Variants in MAML3 observed in about 807,000 individuals in gnomAD.
The protein encoded by MAML3 is mastermind like transcriptional coactivator 3.
Under a neutral mutation model 101.9 loss-of-function variants are expected in MAML3, and 27 were observed. That is an observed-to-expected ratio of 0.27 (90% CI 0.20 to 0.37). The LOEUF is 0.37. Ranked by LOEUF, MAML3 falls within the 10% of genes least tolerant of loss-of-function variation. The probability of loss-of-function intolerance (pLI) is 1.00; values close to 1 mark genes in which losing one functional copy is unlikely to be tolerated. For missense variants in MAML3, 1,316 were observed against 1,444.9 expected (o/e 0.91, Z 1.45); for synonymous variants, 501 against 555.9 (o/e 0.90, Z 1.39).
chr4:139,814,975 C>T (rs1375555874), intron 2 of MAML3, among the ~76,000 whole-genome samples: 1 of 152,214 alleles, frequency 6.6e-6, no homozygotes, highest in Middle Eastern at 3.4e-3. Context: ...TCTAATGAGG[C>T]AGCATTAGAT....
chr4:140,119,147 G>A (rs1446645024), intron 1 of MAML3, among the ~76,000 whole-genome samples: 1 of 152,132 alleles, frequency 6.6e-6, no homozygotes, highest in South Asian at 2.1e-4. Flanking sequence ...ACCCCGATAA[G>A]GTCAACCTCA....
intron 1 of MAML3, among the ~76,000 whole-genome samples, chr4:140,070,653 C>T (rs1727632980): frequency 6.6e-6 from 1 of 152,184 alleles, no homozygotes; most frequent in Admixed American, 6.5e-5. Flanking sequence ...CTACAAATGG[C>T]ACCTATGTGA....
intron 1 of MAML3, among the ~76,000 whole-genome samples, chr4:140,107,496 T>C (rs114317749): frequency 0.021 from 3,095 of 146,748 alleles, 112 homozygotes; most frequent in African/African-American, 0.072. Flanking sequence ...AGACTATAGA[T>C]GAAAAAAATG....
intron 2 of MAML3, among the ~76,000 whole-genome samples, chr4:139,864,401 A>C (rs1275295913): frequency 1.3e-5 from 2 of 152,154 alleles, no homozygotes; most frequent in Non-Finnish European, 2.9e-5. Context: ...TTCATGGGCC[A>C]GGTGCGGCGG....
chr4:140,053,475 T>G (rs1727303146), intron 1 of MAML3, among the ~76,000 whole-genome samples: 1 of 152,208 alleles, frequency 6.6e-6, no homozygotes, highest in African/African-American at 2.4e-5. Flanking sequence ...GCTTTTCTCC[T>G]CTGGGCCATC....
chr4:140,080,557 A>C (rs1489142006), intron 1 of MAML3, among the ~76,000 whole-genome samples: 1 of 152,238 alleles, frequency 6.6e-6, no homozygotes, highest in African/African-American at 2.4e-5. Flanking sequence ...TGGATTGGAA[A>C]TAGAAGGAGA....
chr4:140,066,837 T>C (rs758825981), intron 1 of MAML3, among the ~76,000 whole-genome samples: 11 of 152,326 alleles, frequency 7.2e-5, no homozygotes, highest in Non-Finnish European at 1.6e-4. Context: ...AAGTCTCAAT[T>C]AGTATCAGTT....
chr4:139,839,419 C>T (rs577617626), intron 2 of MAML3, among the ~76,000 whole-genome samples: 3 of 151,890 alleles, frequency 2.0e-5, no homozygotes, highest in African/African-American at 7.2e-5. Context: ...TACAAATCAT[C>T]GTGAACTAGC....
chr4:140,033,392 G>A (rs1726937252), intron 1 of MAML3, among the ~76,000 whole-genome samples: 1 of 150,562 alleles, frequency 6.6e-6, no homozygotes, highest in Admixed American at 6.7e-5. Flanking sequence ...GAAGGGCTCA[G>A]CCTTGAAAAA....
At chr4:139,747,571 G>T (rs1246961957) in intron 2 of MAML3, among the ~76,000 whole-genome samples, 1 of 152,000 alleles carries the variant, frequency 6.6e-6, no homozygotes, top group Non-Finnish European at 1.5e-5. Flanking sequence ...GTGTGTGCCT[G>T]TAATCCCAGC....
At chr4:140,133,760 C>T (rs183125457) in intron 1 of MAML3, among the ~76,000 whole-genome samples, 2 of 152,318 alleles carry the variant, frequency 1.3e-5, no homozygotes, top group Non-Finnish European at 2.9e-5. Flanking sequence ...TTGCCACCTA[C>T]TTATTTGGTG....
chr4:140,138,099 T>C (rs72935800), intron 1 of MAML3, among the ~76,000 whole-genome samples: 6,165 of 152,310 alleles, frequency 0.04, 391 homozygotes, highest in African/African-American at 0.14. Context: ...TTTCAATAGC[T>C]TGAATGCCAG....
intron 1 of MAML3, among the ~76,000 whole-genome samples, chr4:139,941,391 C>T (rs148684744): frequency 0.011 from 1,605 of 152,244 alleles, 12 homozygotes; most frequent in Non-Finnish European, 0.014. Flanking sequence ...CATCAACATG[C>T]AGAGACAGGT....
At chr4:139,911,304 G>A (rs1032904378) in intron 1 of MAML3, among the ~76,000 whole-genome samples, 6 of 150,764 alleles carry the variant, frequency 4.0e-5, no homozygotes, top group South Asian at 2.1e-4. Flanking sequence ...TGCAACCTCC[G>A]CCTCCCAGGT....
intron 1 of MAML3, among the ~76,000 whole-genome samples, chr4:140,105,565 C>G (rs1728337075): frequency 6.6e-6 from 1 of 152,196 alleles, no homozygotes; most frequent in Non-Finnish European, 1.5e-5. Context: ...CAGGATTATT[C>G]TCTACAGGGC....
chr4:139,923,618 TTGTG>T (rs3079902), intron 1 of MAML3, among the ~76,000 whole-genome samples: 2,008 of 150,408 alleles, frequency 0.013, 21 homozygotes, highest in African/African-American at 0.029. Context: ...GGGGTAGTCT[TTGTG>T]TGTGTGTGTG....
At chr4:139,891,019 TCTTTAAGGA>T in intron 1 of MAML3, 52 bp from the exon 2 acceptor site, 5 of 1,555,730 alleles carry the variant, frequency 3.2e-6, no homozygotes, top group East Asian at 4.5e-5. Context: ...CATATTTTAC[TCTTTAAGGA>T]TTGAGATGTG....
chr4:140,055,808 C>T (rs1727340140), intron 1 of MAML3, among the ~76,000 whole-genome samples: 1 of 151,514 alleles, frequency 6.6e-6, no homozygotes, highest in Non-Finnish European at 1.5e-5. Flanking sequence ...AGACCCAGAT[C>T]CTAACTGAAG....
intron 1 of MAML3, among the ~76,000 whole-genome samples, chr4:139,900,065 A>C (rs1383776088): frequency 2.5e-5 from 1 of 39,456 alleles, no homozygotes; most frequent in African/African-American, 6.1e-5. Context: ...CGGAGCCCCC[A>C]GCCCAGGGGA....
Sources: allele counts gnomAD v4.1 joint callset (sites outside exome capture counted in the v4.1 genomes callset), GRCh38; gene constraint gnomAD v4.1.1; transcripts MANE v1.5; gene names NCBI Gene and HGNC (gene_info 2026-07-23, HGNC 2026-07-21).